Variants in PRKAR1B observed in about 807,000 individuals in gnomAD.
The protein encoded by PRKAR1B is protein kinase cAMP-dependent type I regulatory subunit beta.
A neutral mutation model predicts 46.5 loss-of-function variants in PRKAR1B; 22 were observed. The ratio of observed to expected loss-of-function variants is 0.47; its 90% CI spans 0.34 to 0.68. The LOEUF (loss-of-function observed/expected upper bound fraction) is 0.68. Among genes scored for constraint, PRKAR1B ranks in the 30% least tolerant of loss-of-function variants. PRKAR1B has a pLI of 0.01. For missense variants in PRKAR1B, 445 were observed against 535.6 expected, an observed-to-expected ratio of 0.83 and a Z score of 1.67; for synonymous variants, 259 against 217.7, an observed-to-expected ratio of 1.19 and a Z score of -1.67.
At chr7:639,284 T>C (rs935483235) in intron 4 of PRKAR1B, among the ~76,000 whole-genome samples, 3 of 152,136 alleles carry the variant, frequency 2.0e-5, no homozygotes, top group Admixed American at 1.3e-4. Context: ...CACCCTTACA[T>C]TTGTGGTCAA....
chr7:583,834 C>T (rs368263140), intron 8 of PRKAR1B, among the ~76,000 whole-genome samples: 1 of 151,908 alleles, frequency 6.6e-6, no homozygotes, highest in South Asian at 2.1e-4. Context: ...ACACACACCC[C>T]CATGTGCACA....
intron 2 of PRKAR1B, among the ~76,000 whole-genome samples, chr7:709,093 C>T (rs1780479172): frequency 8.0e-6 from 1 of 125,164 alleles, no homozygotes; most frequent in Admixed American, 9.2e-5. Flanking sequence ...ACCCACCAGC[C>T]CCAATATTTA....
intron 4 of PRKAR1B, among the ~76,000 whole-genome samples, chr7:665,787 G>T (rs1286092755): frequency 1.3e-5 from 2 of 152,352 alleles, no homozygotes; most frequent in East Asian, 3.9e-4. Context: ...CCCTTCAGCT[G>T]CCCGTGAATT....
At position 607,461 on chromosome 7, in the gene PRKAR1B, C is replaced by T; in HGVS notation, c.441-9G>A. On this transcript the variant is annotated splice_polypyrimidine_tract_variant and intron_variant, in intron 4 of 10. Coordinates refer to ENST00000537384, the MANE Select transcript of PRKAR1B (RefSeq NM_001164760.2). ...TGGCATCGAATATGTCACTGAAAAG[C>T]AAAACACGCCAAATTAGGGCTGCAG... 6.2e-7 allele frequency: 1 copy of T among 1,612,688 alleles called. No individual in the cohort carries two copies. Among genetic ancestry groups the T allele is most frequent in the Admixed American group, 1.7e-5 (1 of 59,998 alleles).
chr7:686,643 G>A (rs1212819044), intron 2 of PRKAR1B, among the ~76,000 whole-genome samples: 1 of 152,088 alleles, frequency 6.6e-6, no homozygotes, highest in Non-Finnish European at 1.5e-5. Context: ...AGGTTGTTTA[G>A]ATTGAGCTTT....
At chr7:675,535 A>G (rs528146465) in intron 4 of PRKAR1B, among the ~76,000 whole-genome samples, 104 of 152,380 alleles carry the variant, frequency 6.8e-4, no homozygotes, top group African/African-American at 2.5e-3. Flanking sequence ...TTGTTTTAAA[A>G]GAGAGAATTT....
intron 2 of PRKAR1B, among the ~76,000 whole-genome samples, chr7:707,533 AT>A (rs1346949528): frequency 6.6e-6 from 1 of 151,390 alleles, no homozygotes; most frequent in East Asian, 2.0e-4. Flanking sequence ...GTCCCCAGAA[AT>A]AGACATTCTG....
intron 8 of PRKAR1B, among the ~76,000 whole-genome samples, chr7:583,454 C>T (rs1780349355): frequency 6.8e-6 from 1 of 147,538 alleles, no homozygotes; most frequent in African/African-American, 2.5e-5. Context: ...CACTCACACC[C>T]ACTCACACAC....
intron 2 of PRKAR1B, among the ~76,000 whole-genome samples, chr7:688,201 G>A (rs927344497): frequency 1.3e-5 from 2 of 151,458 alleles, no homozygotes; most frequent in African/African-American, 4.9e-5. Flanking sequence ...AGGAGTTCGA[G>A]ACCAACCTGG....
At chr7:701,529 A>T (rs2075323232) in intron 2 of PRKAR1B, among the ~76,000 whole-genome samples, 1 of 152,208 alleles carries the variant, frequency 6.6e-6, no homozygotes, top group Non-Finnish European at 1.5e-5. Context: ...TTCAGATTCA[A>T]GATCAAAGGA....
intron 7 of PRKAR1B, among the ~76,000 whole-genome samples, chr7:595,764 G>C (rs1391517651): frequency 2.0e-5 from 3 of 152,206 alleles, no homozygotes; most frequent in Non-Finnish European, 4.4e-5. Flanking sequence ...CACACAGGAA[G>C]CCCGTGGGTG....
chr7:698,656 T>G (rs1470794931), intron 2 of PRKAR1B, among the ~76,000 whole-genome samples: 1 of 151,892 alleles, frequency 6.6e-6, no homozygotes. Flanking sequence ...ACACACCCCT[T>G]ACATCCACCA....
At chr7:579,050 T>G in intron 9 of PRKAR1B, 1 of 985,428 alleles carries the variant, frequency 1.0e-6, no homozygotes, top group Non-Finnish European at 1.2e-6. Context: ...AAGGGAGGCT[T>G]TTGATGCTAG....
In PRKAR1B at chr7:714,681, C is replaced by T. The variant is rs1478833172; in HGVS notation, c.-22-3154G>A. Among the ~76,000 whole-genome samples the T allele has an allele frequency of 6.6e-6, 1 of 152,246 alleles. No individual in the cohort carries two copies. The highest frequency in any genetic ancestry group is 1.9e-4 in the East Asian group (1 of 5,196). ...CCCCAACCTGCAGACAAGTTTCTGC[C>T]TGACTCCCAGGCCTCTCTTGCTTCA... On this transcript the variant is annotated intron_variant, in intron 1 of 10. Coordinates refer to ENST00000537384, the MANE Select transcript of PRKAR1B (RefSeq NM_001164760.2). This position sits in a 1 kb window ranked among gnomAD's most constrained non-coding sequence, Gnocchi z 4.3.
intron 8 of PRKAR1B, among the ~76,000 whole-genome samples, chr7:583,682 C>G (rs1265289432): frequency 7.7e-6 from 1 of 129,910 alleles, no homozygotes; most frequent in Non-Finnish European, 1.7e-5. Flanking sequence ...ACACAACCCA[C>G]ACGGTGCACT....
intron 7 of PRKAR1B, among the ~76,000 whole-genome samples, chr7:592,469 C>T (rs568523606): frequency 8.1e-5 from 12 of 148,758 alleles, no homozygotes; most frequent in East Asian, 7.8e-4. Context: ...GGTCCCTTCC[C>T]GGCTCCACCG....
At chr7:720,389 T>C (rs777977041) in intron 1 of PRKAR1B, among the ~76,000 whole-genome samples, 84 of 152,224 alleles carry the variant, frequency 5.5e-4, no homozygotes, top group Non-Finnish European at 8.2e-4. Flanking sequence ...TTGCTAAGGT[T>C]TGCCTTATGG....
At chr7:563,052 C>T (rs1778904326) in intron 9 of PRKAR1B, among the ~76,000 whole-genome samples, 2 of 152,244 alleles carry the variant, frequency 1.3e-5, no homozygotes, top group African/African-American at 4.8e-5. Context: ...GCAACCCCAA[C>T]CCTTCCACAC....
At chr7:594,967 G>C (rs1781188504) in intron 7 of PRKAR1B, among the ~76,000 whole-genome samples, 1 of 152,226 alleles carries the variant, frequency 6.6e-6, no homozygotes, top group Non-Finnish European at 1.5e-5. Flanking sequence ...TGGCCGCACG[G>C]GGTGCTGTCT....
Sources: gnomAD v4.1 joint callset for allele counts (sites outside exome capture counted in the v4.1 genomes callset) on GRCh38, gnomAD v4.1.1 for gene constraint, Gnocchi (gnomAD v3.1) non-coding constraint, MANE v1.5 for transcripts, NCBI Gene and HGNC (gene_info 2026-07-23, HGNC 2026-07-21) for gene names.